The following VMP1 variants were observed in gnomAD, a reference collection of about 807,000 sequenced individuals.
The protein encoded by VMP1 is ectopic P-granules autophagy protein 3 homolog.
In VMP1, 11 loss-of-function variants were observed where a neutral mutation model predicts 56.0. That is an observed-to-expected ratio of 0.20 (90% CI 0.12 to 0.32). The LOEUF (loss-of-function observed/expected upper bound fraction) is 0.32, where lower values mean the gene tolerates loss of function less well. Ranked by LOEUF, VMP1 falls within the 10% of genes least tolerant of loss-of-function variation. VMP1 has a pLI of 1.00. For missense variants in VMP1, 296 were observed against 490.3 expected (o/e 0.60, Z 3.74); for synonymous variants, 149 against 165.0 (o/e 0.90, Z 0.74).
At chr17:59,722,454 A>G (rs1469829397) in intron 1 of VMP1, among the ~76,000 whole-genome samples, 1 of 152,114 alleles carries the variant, frequency 6.6e-6, no homozygotes, top group Admixed American at 6.5e-5. Flanking sequence ...CAGGCAGTTT[A>G]GTTAATAATT....
chr17:59,757,859 C>T (rs2035901365), intron 5 of VMP1, among the ~76,000 whole-genome samples: 2 of 91,288 alleles, frequency 2.2e-5, no homozygotes, highest in Admixed American at 1.7e-4. Flanking sequence ...TTATTTGCCA[C>T]TTTTTTTTTT....
intron 11 of VMP1, 164 bp from the exon 12 acceptor site, chr17:59,839,600 TAAAA>T: frequency 2.6e-6 from 2 of 775,602 alleles, no homozygotes; most frequent in South Asian, 2.0e-5. Context: ...TAGTTGGGTG[TAAAA>T]AGGAGAGTAA....
chr17:59,738,810 G>A (rs1455860613), intron 4 of VMP1, 27 bp from the exon 5 acceptor site: 6 of 1,497,588 alleles, frequency 4.0e-6, no homozygotes, highest in African/African-American at 1.4e-5. Context: ...GAGAATTCAC[G>A]GTTTTCACCT....
At chr17:59,735,283 G>A in intron 2 of VMP1, 55 bp from the exon 3 acceptor site, 1 of 1,590,192 alleles carries the variant, frequency 6.3e-7, no homozygotes, top group Non-Finnish European at 8.6e-7. Context: ...TGATTGAAGA[G>A]AATAAGCATA....
intron 10 of VMP1, among the ~76,000 whole-genome samples, chr17:59,832,068 A>T (rs1296280): frequency 0.42 from 64,048 of 151,344 alleles, 15,444 homozygotes; most frequent in Non-Finnish European, 0.54. Flanking sequence ...TTTTAATCTT[A>T]CATTTGCTGT....
chr17:59,766,140 A>G (rs1388875066), intron 6 of VMP1, among the ~76,000 whole-genome samples: 1 of 152,034 alleles, frequency 6.6e-6, no homozygotes, highest in Admixed American at 6.6e-5. Flanking sequence ...CAATGGCGCC[A>G]TCTCGGCTCA....
intron 5 of VMP1, among the ~76,000 whole-genome samples, chr17:59,740,818 T>G (rs2035199639): frequency 6.6e-6 from 1 of 152,242 alleles, no homozygotes; most frequent in African/African-American, 2.4e-5. Context: ...CTCATATTCC[T>G]TGGGAAAACC....
intron 1 of VMP1, among the ~76,000 whole-genome samples, chr17:59,727,393 G>A (rs948491890): frequency 2.0e-5 from 3 of 152,004 alleles, no homozygotes; most frequent in Non-Finnish European, 2.9e-5. Flanking sequence ...CTCAGCCTTC[G>A]AAAATGCTGG....
chr17:59,824,515 G>C (rs972889784), intron 10 of VMP1, among the ~76,000 whole-genome samples: 1 of 150,438 alleles, frequency 6.6e-6, no homozygotes, highest in African/African-American at 2.4e-5. Flanking sequence ...GGAGAATGCA[G>C]TGAGCCAAGA....
intron 3 of VMP1, among the ~76,000 whole-genome samples, chr17:59,736,571 C>T (rs911892012): frequency 4.0e-5 from 6 of 151,228 alleles, no homozygotes; most frequent in Non-Finnish European, 7.4e-5. Flanking sequence ...TGGTGAAACC[C>T]CATCTCTACT....
At chr17:59,784,496 T>C (rs951758594) in intron 7 of VMP1, among the ~76,000 whole-genome samples, 1 of 152,160 alleles carries the variant, frequency 6.6e-6, no homozygotes, top group African/African-American at 2.4e-5. Flanking sequence ...GTGTCACTTA[T>C]CACATTCTAC....
At chr17:59,836,810 C>CCAGAAG (rs888779648) in intron 10 of VMP1, among the ~76,000 whole-genome samples, 3 of 151,006 alleles carry the variant, frequency 2.0e-5, no homozygotes, top group Admixed American at 2.0e-4. Context: ...AAAGAATCAG[C>CCAGAAG]CAGAAGTTAG....
chr17:59,805,388 C>T lies in VMP1; in HGVS notation c.715-3408C>T, dbSNP rs182436041. Among the ~76,000 whole-genome samples, 205 of 152,156 alleles carry T rather than the reference C, an allele frequency of 1.3e-3. 1 individual carries two copies. Among genetic ancestry groups the T allele is most frequent in the Middle Eastern group, 6.8e-3 (2 of 294 alleles). On this transcript the variant is annotated intron_variant, in intron 7 of 11. Coordinates refer to ENST00000262291, the MANE Select transcript of VMP1 (RefSeq NM_030938.5). Reference sequence around the variant, plus strand: ...ACCTCTTTTCAGGATGTTTTTTAAACCATGTTTTCTGGTTCTTCTGTAGTC... The same window carrying T: ...ACCTCTTTTCAGGATGTTTTTTAAATCATGTTTTCTGGTTCTTCTGTAGTC...
chr17:59,824,601 A>G (rs1223935521), intron 10 of VMP1, among the ~76,000 whole-genome samples: 4 of 142,588 alleles, frequency 2.8e-5, no homozygotes, highest in African/African-American at 5.2e-5. Flanking sequence ...GACCAGGCGC[A>G]GTGGCCCACG....
intron 5 of VMP1, among the ~76,000 whole-genome samples, chr17:59,758,906 G>A (rs987483812): frequency 4.6e-5 from 7 of 151,976 alleles, no homozygotes; most frequent in African/African-American, 1.7e-4. Flanking sequence ...ACCAGCCTGG[G>A]CAACAGGCAA....
At chr17:59,791,166 A>G (rs2037210651) in intron 7 of VMP1, among the ~76,000 whole-genome samples, 1 of 147,334 alleles carries the variant, frequency 6.8e-6, no homozygotes, top group African/African-American at 2.5e-5. Context: ...TAAACAATTT[A>G]AGACTGCTCC....
intron 5 of VMP1, among the ~76,000 whole-genome samples, chr17:59,753,656 C>G (rs1461030378): frequency 2.0e-5 from 3 of 152,066 alleles, no homozygotes; most frequent in Non-Finnish European, 2.9e-5. Flanking sequence ...TGGCAAAAGA[C>G]TTCACAAAGC....
chr17:59,739,580 C>G (rs911185634), intron 5 of VMP1, among the ~76,000 whole-genome samples: 1 of 149,010 alleles, frequency 6.7e-6, no homozygotes. Context: ...AAAAATTAGC[C>G]GGACGTGGTG....
At chr17:59,838,628 T>C (rs1174129075) in intron 11 of VMP1, 7 of 512,808 alleles carry the variant, frequency 1.4e-5, no homozygotes, top group African/African-American at 1.2e-4. Flanking sequence ...CAATGGAAAG[T>C]AATGGTTCTG....
Sources: gnomAD v4.1 joint callset for allele counts (sites outside exome capture counted in the v4.1 genomes callset) on GRCh38, gnomAD v4.1.1 for gene constraint, MANE v1.5 for transcripts, NCBI Gene and HGNC (gene_info 2026-07-23, HGNC 2026-07-21) for gene names.